Variants in PRKCI observed in about 807,000 individuals in gnomAD.
PRKCI encodes the protein protein kinase C iota.
In PRKCI, 43 loss-of-function variants were observed where a neutral mutation model predicts 84.0. The observed-to-expected ratio is 0.51, with a 90% CI of 0.40 to 0.66. PRKCI has a LOEUF of 0.66. PRKCI is among the 30% of genes least tolerant of loss of function. PRKCI has a pLI of 0.00. For synonymous variants in PRKCI, 216 were observed against 234.4 expected (o/e 0.92, Z 0.72); for missense variants, 459 against 745.6 (o/e 0.62, Z 4.48).
rs574690503 is a variant in PRKCI at position 170,275,214 on chromosome 3, G to A, written c.647-15G>A. The A allele has an allele frequency of 1.6e-5, 23 of 1,464,118 alleles. No individual in the cohort carries two copies. The South Asian group carries it at 2.9e-4, about 19-fold the overall frequency. The allele number at this position is 1,464,118 out of a possible 1,614,324, so 90.7% of individuals were successfully genotyped here. On this transcript the variant is annotated splice_polypyrimidine_tract_variant and intron_variant, in intron 7 of 17. Coordinates refer to ENST00000295797, the MANE Select transcript of PRKCI (RefSeq NM_002740.6). ...TTTTTTTTTTTTTTTTTAATGTTTG[G>A]TATTGGGTTTTTAGTAATTCCATAT... is the stretch of plus-strand genomic sequence containing the variant.
At chr3:170,250,440 C>G (rs1191886293) in intron 2 of PRKCI, among the ~76,000 whole-genome samples, 2 of 105,350 alleles carry the variant, frequency 1.9e-5, no homozygotes, top group South Asian at 4.7e-4. Context: ...CAACCCCCCC[C>G]CCCCAAAAAA....
chr3:170,295,185 T>C (rs753723462), intron 14 of PRKCI, among the ~76,000 whole-genome samples: 1 of 151,186 alleles, frequency 6.6e-6, no homozygotes, highest in Non-Finnish European at 1.5e-5. Flanking sequence ...CACTCCAGTC[T>C]GGGCAAGACA....
At chr3:170,294,249 C>CCA (rs1354129465) in intron 14 of PRKCI, among the ~76,000 whole-genome samples, 2 of 152,036 alleles carry the variant, frequency 1.3e-5, no homozygotes, top group African/African-American at 4.8e-5. Flanking sequence ...AAAAAAGGCC[C>CCA]CACATCAGGG....
intron 2 of PRKCI, among the ~76,000 whole-genome samples, chr3:170,258,551 C>T (rs1733645097): frequency 6.6e-6 from 1 of 152,058 alleles, no homozygotes; most frequent in Admixed American, 6.6e-5. Context: ...ACCCGCCTGC[C>T]TCGGCCTCGC....
intron 7 of PRKCI, among the ~76,000 whole-genome samples, chr3:170,273,700 A>T (rs1332845368): frequency 1.3e-5 from 2 of 151,956 alleles, no homozygotes; most frequent in African/African-American, 4.8e-5. Context: ...CTGTAGTCCC[A>T]GCTTCTCAGG....
intron 17 of PRKCI, among the ~76,000 whole-genome samples, chr3:170,300,823 A>C (rs1222838604): frequency 1.3e-5 from 2 of 151,834 alleles, no homozygotes; most frequent in African/African-American, 4.8e-5. Context: ...CCCTTGATTA[A>C]TGTAAAGCAT....
intron 1 of PRKCI, among the ~76,000 whole-genome samples, chr3:170,232,439 C>T (rs890690157): frequency 6.6e-6 from 1 of 152,142 alleles, no homozygotes; most frequent in Non-Finnish European, 1.5e-5. Flanking sequence ...AGTCACAGCT[C>T]ACTGCAGCCT....
At chr3:170,262,835 T>TC (rs1326163193) in intron 3 of PRKCI, among the ~76,000 whole-genome samples, 21 of 135,834 alleles carry the variant, frequency 1.5e-4, no homozygotes, top group African/African-American at 3.5e-4. Flanking sequence ...TTTCTTTCTT[T>TC]TTTTTTTTTT....
At chr3:170,227,037 A>G (rs1175350172) in intron 1 of PRKCI, among the ~76,000 whole-genome samples, 5 of 152,224 alleles carry the variant, frequency 3.3e-5, no homozygotes, top group Non-Finnish European at 5.9e-5. Flanking sequence ...GACAATGTGC[A>G]AATGAAAGAT....
intron 8 of PRKCI, among the ~76,000 whole-genome samples, chr3:170,278,177 C>T (rs1420319539): frequency 6.6e-6 from 1 of 152,248 alleles, no homozygotes; most frequent in Non-Finnish European, 1.5e-5. Context: ...ATTATTGTGT[C>T]GGTGAAGTTA....
chr3:170,263,357 A>T (rs777829822), intron 3 of PRKCI, 22 bp from the exon 4 acceptor site: 4 of 1,579,628 alleles, frequency 2.5e-6, no homozygotes, highest in Non-Finnish European at 3.5e-6. Context: ...CTGTTAACTC[A>T]TGTTCGTTTA....
chr3:170,281,738 T>TA, intron 10 of PRKCI, 144 bp from the exon 11 acceptor site: 1 of 1,072,550 alleles, frequency 9.3e-7, no homozygotes, highest in Non-Finnish European at 1.3e-6. Flanking sequence ...GTACCCTAGA[T>TA]ACCCTTTGTT....
Position 170,266,548 on chromosome 3 carries a change from TAA to T in PRKCI, c.365-1354_365-1353del, listed in dbSNP as rs202061036. Among the ~76,000 whole-genome samples, 9 of 139,180 alleles carry T rather than the reference TAA, an allele frequency of 6.5e-5. No individual in the cohort carries two copies. The East Asian group carries it at 8.1e-4, about 13-fold the overall frequency. 91.3% of individuals were successfully genotyped at this position (139,180 alleles called of 152,430 possible). ...ATATGAAACAACTAACCAGACTCTT[TAA>T]AAAAAAAAAAAAGTCAACATAATGA... On this transcript the variant is annotated intron_variant, in intron 4 of 17. Coordinates refer to ENST00000295797, the MANE Select transcript of PRKCI (RefSeq NM_002740.6).
intron 3 of PRKCI, 71 bp from the exon 4 acceptor site, chr3:170,263,308 G>T: frequency 1.5e-6 from 2 of 1,352,042 alleles, no homozygotes; most frequent in South Asian, 2.4e-5. Context: ...TTTTACATTT[G>T]AATTTTAAAT....
chr3:170,266,382 T>G (rs1212142981), intron 4 of PRKCI, among the ~76,000 whole-genome samples: 1 of 151,992 alleles, frequency 6.6e-6, no homozygotes, highest in Admixed American at 6.6e-5. Flanking sequence ...GTAGTGGGAG[T>G]TGATAATCCG....
chr3:170,231,551 G>A lies in PRKCI; in HGVS notation c.102-3679G>A, dbSNP rs146920997. ...GTGATCTCGGCTCACTGCAACCTCC[G>A]CGTCCCAAGTTCAAGTGATTCTCCT... On this transcript the variant is annotated intron_variant, in intron 1 of 17. Coordinates refer to ENST00000295797, the MANE Select transcript of PRKCI (RefSeq NM_002740.6). Among the ~76,000 whole-genome samples, 504 of 151,790 alleles carry A rather than the reference G, an allele frequency of 3.3e-3. 4 individuals are homozygous for A. Among genetic ancestry groups the A allele is most frequent in the African/African-American group, 0.012 (479 of 41,374 alleles).
At chr3:170,270,697 C>T (rs1258304541) in intron 6 of PRKCI, 136 bp downstream of exon 6, 10 of 1,096,660 alleles carry the variant, frequency 9.1e-6, no homozygotes, top group Non-Finnish European at 1.1e-5. Context: ...GGGAGGAATA[C>T]CTTACGTTAC....
At chr3:170,288,566 T>G (rs1734459869) in intron 12 of PRKCI, among the ~76,000 whole-genome samples, 1 of 152,132 alleles carries the variant, frequency 6.6e-6, no homozygotes, top group Admixed American at 6.5e-5. Flanking sequence ...CTGGCCAACA[T>G]GGTGAAAACC....
intron 2 of PRKCI, among the ~76,000 whole-genome samples, chr3:170,242,796 G>A (rs1312502189): frequency 6.6e-6 from 1 of 151,532 alleles, no homozygotes; most frequent in African/African-American, 2.4e-5. Context: ...TCAACCTCCC[G>A]AGTAGCTGGG....
Sources: gnomAD v4.1 joint callset for allele counts (sites outside exome capture counted in the v4.1 genomes callset) on GRCh38, gnomAD v4.1.1 for gene constraint, MANE v1.5 for transcripts, NCBI Gene and HGNC (gene_info 2026-07-23, HGNC 2026-07-21) for gene names.